The following ANK1 variants were observed in gnomAD, a reference collection of about 807,000 sequenced individuals.
ANK1 encodes ankyrin-1.
In ANK1, 51 loss-of-function variants were observed where a neutral mutation model predicts 210.4. The observed-to-expected ratio is 0.24, with a 90% CI of 0.19 to 0.31. The LOEUF (loss-of-function observed/expected upper bound fraction) is 0.31. Ranked by LOEUF, ANK1 falls within the 10% of genes least tolerant of loss-of-function variation. ANK1 has a pLI of 1.00. For missense variants in ANK1, 2,051 were observed against 2,504.4 expected, an observed-to-expected ratio of 0.82 and a Z score of 3.86; for synonymous variants, 967 against 1,025.9, an observed-to-expected ratio of 0.94 and a Z score of 1.10.
chr8:41,717,088 G>A (rs764343776), intron 12 of ANK1, 37 bp from the exon 13 acceptor site: 6 of 1,606,316 alleles, frequency 3.7e-6, no homozygotes, highest in Non-Finnish European at 5.1e-6. Flanking sequence ...GTTCATACAT[G>A]CCTGCTGTCC....
intron 1 of ANK1, among the ~76,000 whole-genome samples, chr8:41,774,450 C>G (rs1843590165): frequency 6.6e-6 from 1 of 152,196 alleles, no homozygotes; most frequent in Non-Finnish European, 1.5e-5. Flanking sequence ...GTAGAAACAG[C>G]CTGGGGACCA....
rs891284292 is a variant in ANK1, at chr8:41,704,656, G to A, written c.2098-184C>T. Reference sequence around the variant, plus strand: ...GCTGAGATGCTTGTGGGAGACCCAAGGGGAGACGTCAAGCGGGCAACTGGA... The same window carrying A: ...GCTGAGATGCTTGTGGGAGACCCAAAGGGAGACGTCAAGCGGGCAACTGGA... On this transcript the variant is annotated intron_variant, in intron 18 of 42. Transcript: ENST00000289734. This position sits in a 1 kb window ranked among gnomAD's most constrained non-coding sequence, Gnocchi z 4.1. Among the ~76,000 whole-genome samples the A allele has an allele frequency of 1.5e-4, 23 of 152,304 alleles. No homozygotes were observed. The highest frequency in any genetic ancestry group is 5.5e-4 in the African/African-American group (23 of 41,554).
intron 1 of ANK1, among the ~76,000 whole-genome samples, chr8:41,871,610 A>G (rs1305756090): frequency 6.6e-6 from 1 of 152,178 alleles, no homozygotes; most frequent in African/African-American, 2.4e-5. Context: ...AGGAGCCAGG[A>G]GAGGGGCCTG....
At chr8:41,821,993 T>C (rs886465248) in intron 1 of ANK1, among the ~76,000 whole-genome samples, 6 of 149,610 alleles carry the variant, frequency 4.0e-5, no homozygotes, top group Non-Finnish European at 8.9e-5. Context: ...GAGGTTGCAG[T>C]GAGCCGAGAT....
At chr8:41,850,769 A>G (rs1422583839) in intron 1 of ANK1, among the ~76,000 whole-genome samples, 1 of 152,258 alleles carries the variant, frequency 6.6e-6, no homozygotes, top group Non-Finnish European at 1.5e-5. Context: ...AGCATGAGCT[A>G]CCATGCCTGG....
intron 1 of ANK1, among the ~76,000 whole-genome samples, chr8:41,838,767 A>AAATAATAATAATGAT: frequency 7.1e-6 from 1 of 140,546 alleles, no homozygotes; most frequent in African/African-American, 2.7e-5. Flanking sequence ...TCCGTCTCAA[A>AAATAATAATAATGAT]AATAATAATA....
At chr8:41,792,324 T>G (rs74424534) in intron 1 of ANK1, among the ~76,000 whole-genome samples, 2,956 of 152,286 alleles carry the variant, frequency 0.019, 33 homozygotes, top group East Asian at 0.028. Flanking sequence ...AGAAACCTCG[T>G]CCGGCAGGGG....
chr8:41,662,784 G>A (rs993766351), intron 40 of ANK1, among the ~76,000 whole-genome samples: 4 of 152,114 alleles, frequency 2.6e-5, no homozygotes, highest in Admixed American at 6.6e-5. Context: ...CGCCTAAGCA[G>A]AAGCACATTC....
chr8:41,857,552 A>G (rs868285180), intron 1 of ANK1, among the ~76,000 whole-genome samples: 4 of 151,998 alleles, frequency 2.6e-5, no homozygotes, highest in African/African-American at 9.7e-5. Flanking sequence ...CAGCCTGACC[A>G]ACATGGAGAA....
At chr8:41,807,811 C>T (rs1159342571) in intron 1 of ANK1, among the ~76,000 whole-genome samples, 2 of 151,968 alleles carry the variant, frequency 1.3e-5, no homozygotes, top group Non-Finnish European at 2.9e-5. Flanking sequence ...AAACTTCCCT[C>T]TCTCCAAGCA....
intron 1 of ANK1, among the ~76,000 whole-genome samples, chr8:41,838,620 G>C (rs1027415741): frequency 3.3e-5 from 5 of 151,290 alleles, no homozygotes; most frequent in African/African-American, 1.2e-4. Context: ...ACAAAAATTA[G>C]CCAGGTGCGG....
chr8:41,774,456 G>C (rs563591637), intron 1 of ANK1, among the ~76,000 whole-genome samples: 52 of 152,290 alleles, frequency 3.4e-4, no homozygotes, highest in Non-Finnish European at 6.8e-4. Flanking sequence ...ACAGCCTGGG[G>C]ACCACTGTCC....
intron 42 of ANK1, chr8:41,660,631 C>T (rs1807749001): frequency 9.2e-6 from 4 of 434,350 alleles, no homozygotes; most frequent in South Asian, 3.4e-5. Context: ...CGGCATGCCC[C>T]TGCTCTGTGG....
At chr8:41,766,981 G>C (rs537241805) in intron 1 of ANK1, among the ~76,000 whole-genome samples, 1 of 152,126 alleles carries the variant, frequency 6.6e-6, no homozygotes, top group African/African-American at 2.4e-5. Flanking sequence ...CTGGGGTGAG[G>C]GGACTTGGCC....
In ANK1 at chr8:41,692,885, T is replaced by TA; in HGVS notation, c.3630-10dup. On this transcript the variant is annotated splice_polypyrimidine_tract_variant and intron_variant, in intron 30 of 42. Coordinates refer to ENST00000289734, the MANE Select transcript of ANK1 (RefSeq NM_000037.4). ...AGTCCGACAGCCAAAACCTAAAAAG[T>TA]AGGGCGAGTTATGTGTTCCCAAGTG... 1 of 1,612,202 alleles carries TA rather than the reference T, an allele frequency of 6.2e-7. No individual in the cohort carries two copies.
chr8:41,762,115 T>G (rs1563697525), intron 1 of ANK1, among the ~76,000 whole-genome samples: 1 of 152,180 alleles, frequency 6.6e-6, no homozygotes, highest in Non-Finnish European at 1.5e-5. Flanking sequence ...GGCACACTCA[T>G]CTCGCTGTCC....
intron 1 of ANK1, among the ~76,000 whole-genome samples, chr8:41,849,946 C>T (rs1810908204): frequency 6.6e-6 from 1 of 152,088 alleles, no homozygotes; most frequent in South Asian, 2.1e-4. Context: ...CCACAGGGAT[C>T]CCCACAAACC....
chr8:41,847,286 C>CTT (rs1199515612), intron 1 of ANK1, among the ~76,000 whole-genome samples: 4 of 152,202 alleles, frequency 2.6e-5, no homozygotes, highest in African/African-American at 9.7e-5. Flanking sequence ...ACCTTCAGCT[C>CTT]TAAGGTTTAC....
chr8:41,892,096 C>T (rs13263913), intron 1 of ANK1, among the ~76,000 whole-genome samples: 1 of 152,144 alleles, frequency 6.6e-6, no homozygotes, highest in African/African-American at 2.4e-5. Flanking sequence ...ATTTGAGGCC[C>T]TTTGCAAATG....
Sources: allele counts gnomAD v4.1 joint callset (sites outside exome capture counted in the v4.1 genomes callset), GRCh38; gene constraint gnomAD v4.1.1; non-coding constraint Gnocchi (gnomAD v3.1); transcripts MANE v1.5; gene names NCBI Gene and HGNC (gene_info 2026-07-23, HGNC 2026-07-21).